The following DNAH17 variants were observed in gnomAD, a reference collection of about 807,000 sequenced individuals.
DNAH17 encodes the protein axonemal beta dynein heavy chain 17.
Under a neutral mutation model 485.6 loss-of-function variants are expected in DNAH17, and 376 were observed. The observed-to-expected ratio is 0.77, with a 90% CI of 0.71 to 0.84. The LOEUF is 0.84. Ranked by LOEUF, DNAH17 falls within the 40% of genes least tolerant of loss-of-function variation. The pLI is 0.00. For synonymous variants in DNAH17, 3,031 were observed against 2,405.9 expected (o/e 1.26, Z -7.60); for missense variants, 6,370 against 5,839.3 (o/e 1.09, Z -2.96).
chr17:78,562,065 A>T, intron 11 of DNAH17, 85 bp from the exon 12 acceptor site: 2 of 1,461,764 alleles, frequency 1.4e-6, no homozygotes, highest in South Asian at 1.4e-5. Context: ...GGGCAGGGCC[A>T]ATCTTCAGGA....
chr17:78,475,302 C>T lies in DNAH17; in HGVS notation c.8487G>A (p.Lys2829=). The change falls in exon 54 of 81, where the codon AAG becomes AAA. Residue 2829 remains lysine (K), a synonymous_variant. Coordinates refer to ENST00000389840, the MANE Select transcript of DNAH17 (RefSeq NM_173628.4). The part of the protein sequence containing the change: ...GLDVFQITLK[K]GYGIPDLKID... Reference sequence around the variant, plus strand: ...CCTTGAGGTCGGGGATCCCGTAGCCCTTCTTGAGGGTGATCTGAAACACGT... The same window carrying T: ...CCTTGAGGTCGGGGATCCCGTAGCCTTTCTTGAGGGTGATCTGAAACACGT... The T allele has an allele frequency of 6.2e-7, 1 of 1,614,014 alleles. No homozygotes were observed. The highest frequency in any genetic ancestry group is 8.5e-7 in the Non-Finnish European group (1 of 1,179,898).
chr17:78,429,080 C>G, intron 76 of DNAH17, 41 bp downstream of exon 76: 2,217 of 1,533,750 alleles, frequency 1.4e-3, no homozygotes, highest in Non-Finnish European at 1.8e-3. Flanking sequence ...GAGGCACGAG[C>G]CTTCATTACG....
chr17:78,515,086 T>C, intron 25 of DNAH17, 64 bp from the exon 26 acceptor site: 1 of 1,583,502 alleles, frequency 6.3e-7, no homozygotes, highest in Admixed American at 1.7e-5. Context: ...AAGAAAACCC[T>C]CTTACCTTTC....
intron 55 of DNAH17, among the ~76,000 whole-genome samples, chr17:78,467,928 G>C (rs1209993474): frequency 1.3e-5 from 2 of 150,508 alleles, no homozygotes; most frequent in South Asian, 2.1e-4. Flanking sequence ...TGAGGCTGGA[G>C]AATCATTTTA....
chr17:78,538,812 C>G (rs2091447167), intron 18 of DNAH17, among the ~76,000 whole-genome samples: 1 of 152,194 alleles, frequency 6.6e-6, no homozygotes, highest in Non-Finnish European at 1.5e-5. Context: ...GACTCAAACA[C>G]CATCCACCCT....
chr17:78,498,034 C>T (rs879407267), intron 37 of DNAH17, among the ~76,000 whole-genome samples: 21 of 152,092 alleles, frequency 1.4e-4, no homozygotes, highest in Non-Finnish European at 2.6e-4. Context: ...CCCAGCTACT[C>T]GGGAGGCTGA....
At chr17:78,441,642 A>G (rs2087080217) in intron 71 of DNAH17, among the ~76,000 whole-genome samples, 1 of 152,106 alleles carries the variant, frequency 6.6e-6, no homozygotes, top group South Asian at 2.1e-4. Context: ...TGACCCCAAT[A>G]AGTCTGGGGT....
At chr17:78,476,500 C>T in intron 52 of DNAH17, 72 bp downstream of exon 52, 1 of 1,511,342 alleles carries the variant, frequency 6.6e-7, no homozygotes, top group Non-Finnish European at 8.9e-7. Flanking sequence ...CTGCAGTTCT[C>T]ATTGGCCGCC....
intron 48 of DNAH17, among the ~76,000 whole-genome samples, chr17:78,483,491 A>C (rs1485089494): frequency 6.6e-6 from 1 of 152,160 alleles, no homozygotes; most frequent in Non-Finnish European, 1.5e-5. Context: ...TTAGGTGGGC[A>C]TGGTGGCAGG....
Position 78,480,274 on chromosome 17 carries a change from G to A in DNAH17, c.7752+410C>T, listed in dbSNP as rs150187298. Among the ~76,000 whole-genome samples the A allele has an allele frequency of 9.5e-3, 1,438 of 151,860 alleles. 15 individuals carry two copies. Among genetic ancestry groups the A allele is most frequent in the Non-Finnish European group, 0.014 (928 of 67,934 alleles). ...TGAGGCAGGAGAATTGCTTAAACCC[G>A]GGAAGCGGAGGTTGCAGTGAGCTCA... is the stretch of plus-strand genomic sequence containing the variant. On this transcript the variant is annotated intron_variant, in intron 49 of 80. Transcript: ENST00000389840.
chr17:78,476,488 G>A, intron 52 of DNAH17, 84 bp downstream of exon 52: 1 of 1,456,390 alleles, frequency 6.9e-7, no homozygotes, highest in South Asian at 1.4e-5. Flanking sequence ...CTTCTGAGAG[G>A]GCTGCAGTTC....
At chr17:78,475,528 C>G in intron 53 of DNAH17, 59 bp from the exon 54 acceptor site, 1 of 1,610,368 alleles carries the variant, frequency 6.2e-7, no homozygotes, top group Non-Finnish European at 8.5e-7. Context: ...CCTCTGTCAC[C>G]AGCACGGACT....
intron 13 of DNAH17, among the ~76,000 whole-genome samples, chr17:78,558,783 C>T (rs1247744823): frequency 6.6e-6 from 1 of 151,336 alleles, no homozygotes; most frequent in East Asian, 1.9e-4. Flanking sequence ...TCTGCTTTCA[C>T]CCGGTTATGA....
chr17:78,503,003 C>G lies in DNAH17; in HGVS notation c.4965G>C (p.Val1655=). ...TTCGGTCCAGCACTCGATTCAGCCA[C>G]ACTTCCACCTGGGGACGGGAGCCAC... ...QECDLSGQVE[V]WLNRVLDRMC... The change falls in exon 32 of 81, where the codon GTG becomes GTC. Residue 1655 remains valine, a synonymous_variant. Transcript: ENST00000389840. The G allele has an allele frequency of 3.1e-6, 5 of 1,613,586 alleles. No individual in the cohort carries two copies. Among genetic ancestry groups the G allele is most frequent in the Non-Finnish European group, 4.2e-6 (5 of 1,179,736 alleles).
intron 2 of DNAH17, 95 bp downstream of exon 2, chr17:78,574,608 AGCTGCTGCTG>A (rs2092407361): frequency 1.0e-6 from 1 of 994,442 alleles, no homozygotes; most frequent in African/African-American, 1.6e-5. Context: ...CCGGCTCTGC[AGCTGCTGCTG>A]GCCCAGGGAC....
At chr17:78,536,038 C>G (rs897319410) in intron 19 of DNAH17, among the ~76,000 whole-genome samples, 1 of 152,104 alleles carries the variant, frequency 6.6e-6, no homozygotes, top group African/African-American at 2.4e-5. Flanking sequence ...AGAGCCTGGC[C>G]AGGCTCTCCG....
chr17:78,514,518 A>AAAAG (rs1555680401), intron 26 of DNAH17, among the ~76,000 whole-genome samples: 1 of 135,560 alleles, frequency 7.4e-6, no homozygotes, highest in African/African-American at 2.5e-5. Context: ...AAAAAAAAAA[A>AAAAG]AAAAGAAAAA....
chr17:78,553,451 G>A (rs573774517), intron 14 of DNAH17, among the ~76,000 whole-genome samples: 112 of 151,894 alleles, frequency 7.4e-4, no homozygotes, highest in Middle Eastern at 6.8e-3. Context: ...ATAGGCATGC[G>A]CCACCATGCC....
intron 74 of DNAH17, among the ~76,000 whole-genome samples, chr17:78,435,197 A>T (rs2086816714): frequency 6.6e-6 from 1 of 152,124 alleles, no homozygotes; most frequent in Non-Finnish European, 1.5e-5. Flanking sequence ...GGAGAGCCAG[A>T]GTGACACCAG....
Sources: gnomAD v4.1 joint callset for allele counts (sites outside exome capture counted in the v4.1 genomes callset) on GRCh38, gnomAD v4.1.1 for gene constraint, MANE v1.5 for transcripts, NCBI Gene and HGNC (gene_info 2026-07-23, HGNC 2026-07-21) for gene names.